Variants in HS6ST3 observed in about 807,000 individuals in gnomAD.
HS6ST3 encodes the protein heparan sulfate 6-O-sulfotransferase 3.
HS6ST3 carries 12 observed loss-of-function variants against 36.7 expected under a neutral mutation model. That is an observed-to-expected ratio of 0.33 (90% CI 0.21 to 0.53). HS6ST3 has a LOEUF of 0.53. Ranked by LOEUF, HS6ST3 falls within the 20% of genes least tolerant of loss-of-function variation. The pLI is 0.95. For synonymous variants in HS6ST3, 240 were observed against 257.5 expected, an observed-to-expected ratio of 0.93 and a Z score of 0.65; for missense variants, 584 against 640.9, an observed-to-expected ratio of 0.91 and a Z score of 0.96.
chr13:96,144,875 T>C (rs9525132), intron 1 of HS6ST3, among the ~76,000 whole-genome samples: 123,768 of 142,598 alleles, frequency 0.87, 53,818 homozygotes, highest in East Asian at 0.91. Flanking sequence ...TCAATTCCCA[T>C]CTATGAGTGA....
chr13:96,810,324 G>A (rs1383783641), intron 1 of HS6ST3, among the ~76,000 whole-genome samples: 2 of 152,162 alleles, frequency 1.3e-5, no homozygotes, highest in African/African-American at 2.4e-5. Context: ...AGATGAAGGG[G>A]TAGAAGAGAG....
chr13:96,243,150 C>G (rs1242532339), intron 1 of HS6ST3, among the ~76,000 whole-genome samples: 2 of 152,176 alleles, frequency 1.3e-5, no homozygotes, highest in Non-Finnish European at 2.9e-5. Flanking sequence ...TCTTCAAAAT[C>G]CAGTGTGAAT....
intron 1 of HS6ST3, among the ~76,000 whole-genome samples, chr13:96,816,495 T>G (rs1240807219): frequency 1.3e-5 from 2 of 152,328 alleles, no homozygotes; most frequent in East Asian, 3.9e-4. Context: ...AACACTGGCC[T>G]TCCTGAGCCA....
chr13:96,452,064 A>T (rs1697201328), intron 1 of HS6ST3, among the ~76,000 whole-genome samples: 1 of 152,140 alleles, frequency 6.6e-6, no homozygotes, highest in African/African-American at 2.4e-5. Context: ...CCAGCCAGGA[A>T]TTTTTCTGTG....
chr13:96,627,792 T>C (rs577886385), intron 1 of HS6ST3, among the ~76,000 whole-genome samples: 3 of 152,062 alleles, frequency 2.0e-5, no homozygotes, highest in African/African-American at 7.2e-5. Context: ...ATTTCACCTA[T>C]GATTTCAAGT....
At chr13:96,471,977 A>G (rs1431798120) in intron 1 of HS6ST3, among the ~76,000 whole-genome samples, 1 of 152,176 alleles carries the variant, frequency 6.6e-6, no homozygotes, top group Non-Finnish European at 1.5e-5. Context: ...CTGAAGAGGC[A>G]GAGGCTACCT....
rs762310784 is a variant in HS6ST3, at chr13:96,147,200, GGAGT to G, written c.707+55636_707+55639del. 1.1e-4 allele frequency among the ~76,000 whole-genome samples: 17 copies of G among 152,280 alleles called. No individual in the cohort carries two copies. The South Asian group carries it at 2.5e-3, about 22-fold the overall frequency. ...AGGATTAGCTCAATTATTAATCATT[GGAGT>G]GAGTATCATTCATAAAAAATCCACT... On this transcript the variant is annotated intron_variant, in intron 1 of 1. Transcript: ENST00000376705.
intron 1 of HS6ST3, among the ~76,000 whole-genome samples, chr13:96,759,138 T>C (rs1359762143): frequency 6.6e-6 from 1 of 151,908 alleles, no homozygotes; most frequent in Non-Finnish European, 1.5e-5. Context: ...ACGTTTTACA[T>C]GGTAAATCAC....
At chr13:96,290,386 A>G (rs1024738008) in intron 1 of HS6ST3, among the ~76,000 whole-genome samples, 1 of 152,122 alleles carries the variant, frequency 6.6e-6, no homozygotes, top group Non-Finnish European at 1.5e-5. Flanking sequence ...TATTCGGTAC[A>G]ATTGCAGAGA....
chr13:96,245,086 T>C (rs2054578381), intron 1 of HS6ST3, among the ~76,000 whole-genome samples: 1 of 152,214 alleles, frequency 6.6e-6, no homozygotes, highest in African/African-American at 2.4e-5. Flanking sequence ...ACTCATTTTG[T>C]GTGTCATTAC....
chr13:96,479,773 A>G (rs2055881464), intron 1 of HS6ST3, among the ~76,000 whole-genome samples: 1 of 152,150 alleles, frequency 6.6e-6, no homozygotes, highest in Admixed American at 6.5e-5. Flanking sequence ...CGCAGAGTCT[A>G]TTGTAGGTCT....
intron 1 of HS6ST3, among the ~76,000 whole-genome samples, chr13:96,555,334 A>G (rs937747179): frequency 6.6e-6 from 1 of 152,192 alleles, no homozygotes; most frequent in African/African-American, 2.4e-5. Context: ...CTATTAACAC[A>G]ATGAAAAGCA....
intron 1 of HS6ST3, among the ~76,000 whole-genome samples, chr13:96,263,070 G>T (rs962416132): frequency 6.6e-5 from 10 of 152,122 alleles, no homozygotes; most frequent in African/African-American, 2.4e-4. Context: ...AAATTAGGTA[G>T]ATGTCTTAGG....
At chr13:96,755,925 G>C (rs1375088489) in intron 1 of HS6ST3, among the ~76,000 whole-genome samples, 1 of 152,142 alleles carries the variant, frequency 6.6e-6, no homozygotes, top group Non-Finnish European at 1.5e-5. Flanking sequence ...TTCTTAAGTA[G>C]TTGTACCAGT....
intron 1 of HS6ST3, among the ~76,000 whole-genome samples, chr13:96,744,874 G>A (rs1271918108): frequency 1.3e-5 from 2 of 151,998 alleles, no homozygotes; most frequent in East Asian, 3.9e-4. Flanking sequence ...TACATACTTG[G>A]GCTGTGTTTC....
At chr13:96,443,360 C>T (rs1189931741) in intron 1 of HS6ST3, among the ~76,000 whole-genome samples, 2 of 151,868 alleles carry the variant, frequency 1.3e-5, no homozygotes, top group East Asian at 3.9e-4. Context: ...GAAACCCTGG[C>T]TCTACTAAAA....
At chr13:96,109,053 T>C (rs1287828166) in intron 1 of HS6ST3, among the ~76,000 whole-genome samples, 1 of 152,254 alleles carries the variant, frequency 6.6e-6, no homozygotes, top group Non-Finnish European at 1.5e-5. Flanking sequence ...AACTCTATCA[T>C]AGTTAGCAAG....
intron 1 of HS6ST3, among the ~76,000 whole-genome samples, chr13:96,100,746 G>A (rs1434944861): frequency 1.3e-5 from 2 of 152,232 alleles, no homozygotes; most frequent in African/African-American, 2.4e-5. Context: ...GAGAGCTGAT[G>A]CATTCTGTGG....
Position 96,516,130 on chromosome 13 carries a change from C to T in HS6ST3, c.708-316360C>T, listed in dbSNP as rs143906727. Among the ~76,000 whole-genome samples the T allele has an allele frequency of 5.0e-3, 746 of 149,822 alleles. 2 individuals are homozygous for T. Among genetic ancestry groups the T allele is most frequent in the Admixed American group, 7.7e-3 (115 of 14,952 alleles). On this transcript the variant is annotated intron_variant, in intron 1 of 1. Coordinates refer to ENST00000376705, the MANE Select transcript of HS6ST3 (RefSeq NM_153456.4). ...AGGCTGGAGTGCAGTGGGGTGATGT[C>T]GGCTCAATGCAACCTCTGCCTCCTT...
Sources: allele counts gnomAD v4.1 joint callset (sites outside exome capture counted in the v4.1 genomes callset), GRCh38; gene constraint gnomAD v4.1.1; transcripts MANE v1.5; gene names NCBI Gene and HGNC (gene_info 2026-07-23, HGNC 2026-07-21).